CCSER2: variants seen among roughly 807,000 people sequenced by gnomAD.
CCSER2 encodes the protein coiled-coil serine rich protein 2.
Under a neutral mutation model 92.3 loss-of-function variants are expected in CCSER2, and 46 were observed. The observed-to-expected ratio is 0.50, with a 90% confidence interval of 0.39 to 0.64. The LOEUF is 0.64. CCSER2 is among the 30% of genes least tolerant of loss of function. The probability of loss-of-function intolerance (pLI) is 0.00; values close to 1 mark genes in which losing one functional copy is unlikely to be tolerated. For missense variants in CCSER2, 1,244 were observed against 1,238.9 expected (o/e 1.00, Z -0.06); for synonymous variants, 433 against 431.4 (o/e 1.00, Z -0.04).
At position 84,345,098 on chromosome 10, in the gene CCSER2, C is replaced by T. The variant is rs558005384; in HGVS notation, c.-40+16290C>T. Reference sequence around the variant, plus strand: ...ATGATCGGAATTAGAATTTTGAATACTAATCTCAGGAAAAGTGTAAAAAAT... The same window carrying T: ...ATGATCGGAATTAGAATTTTGAATATTAATCTCAGGAAAAGTGTAAAAAAT... On this transcript the variant is annotated intron_variant, in intron 1 of 9. Coordinates refer to ENST00000372088, the MANE Select transcript of CCSER2 (RefSeq NM_001284240.2). Among the ~76,000 whole-genome samples, 3 of 152,082 alleles carry T rather than the reference C, an allele frequency of 2.0e-5. No individual in the cohort carries two copies. In the South Asian group the frequency reaches 6.2e-4, roughly 32 times the overall value.
At chr10:84,409,241 G>A (rs954056731) in intron 3 of CCSER2, among the ~76,000 whole-genome samples, 2 of 152,052 alleles carry the variant, frequency 1.3e-5, no homozygotes, top group Admixed American at 6.6e-5. Context: ...TCTGCCCGCC[G>A]TGGCCTCTCA....
chr10:84,483,129 A>C (rs925455872), intron 9 of CCSER2, among the ~76,000 whole-genome samples: 1 of 152,170 alleles, frequency 6.6e-6, no homozygotes, highest in African/African-American at 2.4e-5. Context: ...GCTTAGAATT[A>C]GGTTTTTGGT....
chr10:84,474,427 G>A (rs923230233), intron 8 of CCSER2, among the ~76,000 whole-genome samples: 5 of 152,036 alleles, frequency 3.3e-5, no homozygotes, highest in African/African-American at 9.7e-5. Context: ...TTAGGAGGCC[G>A]AGGCAGGCAG....
chr10:84,496,003 A>G (rs944003116), intron 9 of CCSER2, among the ~76,000 whole-genome samples: 1 of 149,186 alleles, frequency 6.7e-6, no homozygotes, highest in African/African-American at 2.5e-5. Context: ...TCTTTTCTGT[A>G]TATTAGTTTT....
chr10:84,343,014 A>G (rs1242633954), intron 1 of CCSER2, among the ~76,000 whole-genome samples: 1 of 152,104 alleles, frequency 6.6e-6, no homozygotes, highest in Non-Finnish European at 1.5e-5. Context: ...CTAGGATAAC[A>G]GGCACCTGCC....
At chr10:84,346,454 A>G (rs1418567206) in intron 1 of CCSER2, among the ~76,000 whole-genome samples, 11 of 152,202 alleles carry the variant, frequency 7.2e-5, no homozygotes, top group Admixed American at 2.0e-4. Context: ...TAGTGGAGAA[A>G]GTAGAACACA....
chr10:84,384,904 A>T (rs887453957), intron 3 of CCSER2, among the ~76,000 whole-genome samples: 7 of 152,190 alleles, frequency 4.6e-5, no homozygotes, highest in African/African-American at 1.7e-4. Flanking sequence ...TAACTTCAGT[A>T]AAGTTTCAGG....
At chr10:84,370,975 T>C in intron 1 of CCSER2, 39 bp from the exon 2 acceptor site, 1 of 881,276 alleles carries the variant, frequency 1.1e-6, no homozygotes, top group Non-Finnish European at 1.7e-6. Context: ...ATTATCCTTA[T>C]TTAGGAATGT....
chr10:84,454,335 A>C (rs1564680694), intron 6 of CCSER2, among the ~76,000 whole-genome samples: 1 of 152,046 alleles, frequency 6.6e-6, no homozygotes, highest in Non-Finnish European at 1.5e-5. Flanking sequence ...TCCCGTGTGA[A>C]CTCAACTTGA....
At chr10:84,347,818 T>G (rs1844609623) in intron 1 of CCSER2, among the ~76,000 whole-genome samples, 1 of 146,062 alleles carries the variant, frequency 6.8e-6, no homozygotes, top group African/African-American at 2.6e-5. Flanking sequence ...CCAGACGGGG[T>G]CGTGGCTGGG....
chr10:84,421,634 A>G (rs568537822), intron 4 of CCSER2, among the ~76,000 whole-genome samples: 79 of 152,332 alleles, frequency 5.2e-4, no homozygotes, highest in Non-Finnish European at 8.7e-4. Flanking sequence ...GGGTAGGGAC[A>G]CAGAGCCAAA....
At chr10:84,391,197 A>G (rs1841498833) in intron 3 of CCSER2, 1 of 959,666 alleles carries the variant, frequency 1.0e-6, no homozygotes, top group Admixed American at 1.7e-5. Flanking sequence ...GCTTTCTTCC[A>G]TACTGTGAAC....
chr10:84,375,567 C>G (rs1846287421), intron 3 of CCSER2, among the ~76,000 whole-genome samples: 1 of 145,540 alleles, frequency 6.9e-6, no homozygotes, highest in African/African-American at 2.5e-5. Context: ...ATTGGACTTT[C>G]CATCATTACT....
intron 9 of CCSER2, among the ~76,000 whole-genome samples, chr10:84,509,487 C>T (rs570764761): frequency 1.3e-5 from 2 of 152,228 alleles, no homozygotes; most frequent in South Asian, 4.2e-4. Flanking sequence ...AGATGTCTAC[C>T]AAGCCTTTGC....
chr10:84,351,897 A>T (rs561781392), intron 1 of CCSER2, among the ~76,000 whole-genome samples: 1 of 152,254 alleles, frequency 6.6e-6, no homozygotes, highest in South Asian at 2.1e-4. Context: ...AGATATATGT[A>T]TTGGGTAAGG....
intron 9 of CCSER2, among the ~76,000 whole-genome samples, chr10:84,509,232 A>G (rs975632059): frequency 5.9e-5 from 9 of 152,186 alleles, no homozygotes; most frequent in African/African-American, 1.9e-4. Context: ...ATGCTTCATC[A>G]TTGACCTAAA....
intron 1 of CCSER2, among the ~76,000 whole-genome samples, chr10:84,345,320 A>G (rs1291931593): frequency 6.6e-6 from 1 of 152,252 alleles, no homozygotes; most frequent in Non-Finnish European, 1.5e-5. Context: ...GAATATGGAC[A>G]GGATACCTAG....
intron 3 of CCSER2, among the ~76,000 whole-genome samples, chr10:84,413,951 A>G (rs1400137954): frequency 6.6e-6 from 1 of 152,132 alleles, no homozygotes; most frequent in Non-Finnish European, 1.5e-5. Context: ...CTATTTTGTC[A>G]GAAACCAGGA....
At chr10:84,430,587 CT>C (rs1387138191) in intron 5 of CCSER2, among the ~76,000 whole-genome samples, 2 of 152,092 alleles carry the variant, frequency 1.3e-5, no homozygotes, top group Admixed American at 6.6e-5. Flanking sequence ...GGGAGTGGTG[CT>C]TTTTGGAGAG....
Sources: gnomAD v4.1 joint callset for allele counts (sites outside exome capture counted in the v4.1 genomes callset) on GRCh38, gnomAD v4.1.1 for gene constraint, MANE v1.5 for transcripts, NCBI Gene and HGNC (gene_info 2026-07-23, HGNC 2026-07-21) for gene names.